ADAMTS2: variants seen among roughly 807,000 people sequenced by gnomAD.
ADAMTS2 encodes ADAM metallopeptidase with thrombospondin type 1 motif 2, also known as A disintegrin and metalloproteinase with thrombospondin motifs 2.
Under a neutral mutation model 123.0 loss-of-function variants are expected in ADAMTS2, and 50 were observed. The observed-to-expected ratio is 0.41, with a 90% CI of 0.32 to 0.51. The LOEUF (loss-of-function observed/expected upper bound fraction) is 0.51. Ranked by LOEUF, ADAMTS2 falls within the 20% of genes least tolerant of loss-of-function variation. ADAMTS2 has a pLI of 0.35. For missense variants in ADAMTS2, 1,494 were observed against 1,705.2 expected (o/e 0.88, Z 2.18); for synonymous variants, 678 against 695.4 (o/e 0.98, Z 0.39).
intron 2 of ADAMTS2, among the ~76,000 whole-genome samples, chr5:179,293,610 G>GTTTT (rs1387529851): frequency 1.6e-4 from 14 of 87,126 alleles, no homozygotes; most frequent in Non-Finnish European, 3.7e-4. Flanking sequence ...CCAGGGTAGG[G>GTTTT]TTTTGTTTGT....
chr5:179,339,904 T>C (rs1757720526), intron 2 of ADAMTS2, among the ~76,000 whole-genome samples: 1 of 152,104 alleles, frequency 6.6e-6, no homozygotes, highest in Middle Eastern at 3.2e-3. Flanking sequence ...AAAATGAAAC[T>C]CATCTCAATC....
chr5:179,215,375 G>A (rs1044854164), intron 3 of ADAMTS2, among the ~76,000 whole-genome samples: 1 of 152,174 alleles, frequency 6.6e-6, no homozygotes, highest in African/African-American at 2.4e-5. Context: ...TTGAACCGGG[G>A]AGGCGGAGGC....
At chr5:179,150,957 C>T (rs766011668) in intron 10 of ADAMTS2, 20 of 183,826 alleles carry the variant, frequency 1.1e-4, no homozygotes, top group Admixed American at 6.6e-4. Context: ...AGAGCAGCGA[C>T]GCGATCTTGG....
intron 2 of ADAMTS2, among the ~76,000 whole-genome samples, chr5:179,295,110 A>T (rs1756292742): frequency 6.6e-6 from 1 of 152,258 alleles, no homozygotes; most frequent in Non-Finnish European, 1.5e-5. Flanking sequence ...AGAGCCTGAG[A>T]GCATCTGGCA....
rs1764229653 is a variant in ADAMTS2, at chr5:179,188,721, C to G, written c.892-7566G>C. On this transcript the variant is annotated intron_variant, in intron 4 of 21. Transcript: ENST00000251582. The surrounding 1 kb of genome is among the most constrained non-coding windows in gnomAD (Gnocchi z 5.1). ...GGAACACTCTGCCCAAGGCCACCCC[C>G]TCACTCCTCAGGCGACGTCTCCTGT... Among the ~76,000 whole-genome samples the G allele has an allele frequency of 6.6e-6, 1 of 152,146 alleles. No homozygotes were observed. Among genetic ancestry groups the G allele is most frequent in the South Asian group, 2.1e-4 (1 of 4,822 alleles).
chr5:179,283,709 T>G (rs1221442176), intron 2 of ADAMTS2, among the ~76,000 whole-genome samples: 1 of 151,704 alleles, frequency 6.6e-6, no homozygotes, highest in East Asian at 1.9e-4. Flanking sequence ...CTGGCCAACA[T>G]GGTGAAACCC....
intron 2 of ADAMTS2, among the ~76,000 whole-genome samples, chr5:179,274,796 G>A (rs1479538724): frequency 6.6e-6 from 1 of 152,250 alleles, no homozygotes; most frequent in African/African-American, 2.4e-5. Context: ...GGGCCCTCGG[G>A]AAGCTGATGT....
intron 2 of ADAMTS2, among the ~76,000 whole-genome samples, chr5:179,287,036 T>G (rs1756040021): frequency 6.6e-6 from 1 of 152,118 alleles, no homozygotes. Flanking sequence ...ACAAAGGAAC[T>G]GGGGGATCTA....
Position 179,178,965 on chromosome 5 carries a change from T to A in ADAMTS2, c.975+2107A>T, listed in dbSNP as rs111641985. 9.2e-5 allele frequency among the ~76,000 whole-genome samples: 14 copies of A among 152,278 alleles called. 1 individual carries two copies. The highest frequency in any genetic ancestry group is 3.4e-4 in the African/African-American group (14 of 41,558). On this transcript the variant is annotated intron_variant, in intron 5 of 21. Transcript: ENST00000251582. ...ATAGTCTGTACTGCAGTCCTAATAT[T>A]CTCTTTCCTTGCTCTGTTACCCAGG...
At position 179,207,723 on chromosome 5, in the gene ADAMTS2, GAGA is replaced by G; in HGVS notation, c.689-11_689-9del. The G allele has an allele frequency of 6.2e-7, 1 of 1,609,300 alleles. No individual in the cohort carries two copies. Among genetic ancestry groups the G allele is most frequent in the Non-Finnish European group, 8.5e-7 (1 of 1,179,902 alleles). The stretch of plus-strand genomic sequence containing the variant: ...GGCTGTCCAGGGAGGCCCCTGCAAG[GAGA>G]GGACACCGTCTTCAGCGGCAGGGCA... On this transcript the variant is annotated splice_polypyrimidine_tract_variant and intron_variant, in intron 3 of 21. Coordinates refer to ENST00000251582, the MANE Select transcript of ADAMTS2 (RefSeq NM_014244.5).
intron 6 of ADAMTS2, among the ~76,000 whole-genome samples, chr5:179,156,915 GT>G (rs965471708): frequency 5.0e-5 from 7 of 140,880 alleles, no homozygotes; most frequent in Admixed American, 3.5e-4. Flanking sequence ...TTGTGTTTTG[GT>G]TTTTTTAAAA....
At chr5:179,161,983 TGTGA>T (rs891663898) in intron 5 of ADAMTS2, among the ~76,000 whole-genome samples, 26 of 152,228 alleles carry the variant, frequency 1.7e-4, no homozygotes, top group African/African-American at 6.0e-4. Flanking sequence ...CCTGCTGCAG[TGTGA>T]GTGTCTCCAT....
rs1766244792 is a variant in ADAMTS2 at position 179,262,142 on chromosome 5, T to C, written c.688+10769A>G. On this transcript the variant is annotated intron_variant, in intron 3 of 21. Coordinates refer to ENST00000251582, the MANE Select transcript of ADAMTS2 (RefSeq NM_014244.5). This position sits in a 1 kb window ranked among gnomAD's most constrained non-coding sequence, Gnocchi z 5.9. ...GCAGCTGTGGAGTCAGAGTGATGGG[T>C]GCCAATTCTGACTCCTGCACGTGGC... is the stretch of plus-strand genomic sequence containing the variant. Among the ~76,000 whole-genome samples, 1 of 151,812 alleles carries C rather than the reference T, an allele frequency of 6.6e-6. No homozygotes were observed. The highest frequency in any genetic ancestry group is 2.1e-4 in the South Asian group (1 of 4,798).
At chr5:179,328,257 T>C (rs558166623) in intron 2 of ADAMTS2, among the ~76,000 whole-genome samples, 169 of 152,294 alleles carry the variant, frequency 1.1e-3, no homozygotes, top group East Asian at 4.4e-3. Flanking sequence ...TGGTCTCGAT[T>C]TCCTGACCTC....
intron 4 of ADAMTS2, among the ~76,000 whole-genome samples, chr5:179,190,929 C>G (rs1418764429): frequency 1.3e-5 from 2 of 152,262 alleles, no homozygotes. Context: ...GCTGCTGTGC[C>G]CAGGCACGTC....
At chr5:179,299,306 G>A (rs28729102) in intron 2 of ADAMTS2, among the ~76,000 whole-genome samples, 49,707 of 67,282 alleles carry the variant, frequency 0.74, 19,136 homozygotes, top group Non-Finnish European at 0.81. Context: ...GAGGCGGGCG[G>A]ATCACGAGGT....
chr5:179,329,855 G>A (rs919548169), intron 2 of ADAMTS2, among the ~76,000 whole-genome samples: 2 of 152,156 alleles, frequency 1.3e-5, no homozygotes, highest in South Asian at 2.1e-4. Flanking sequence ...GGCCGGGCGT[G>A]GTGGCTCACG....
intron 10 of ADAMTS2, among the ~76,000 whole-genome samples, chr5:179,148,339 T>C (rs573181260): frequency 6.6e-6 from 1 of 152,178 alleles, no homozygotes; most frequent in South Asian, 2.1e-4. Context: ...GGGCTGCTCA[T>C]GGCTCACAGC....
rs1764161969 is a variant in ADAMTS2, at chr5:179,185,920, GAGA to G, written c.892-4768_892-4766del. ...CAAATGCTCCCAGCAGGTAGCCAGG[GAGA>G]AGGAGGCCAGGCCGCAGCCAAGGCC... On this transcript the variant is annotated intron_variant, in intron 4 of 21. Coordinates refer to ENST00000251582, the MANE Select transcript of ADAMTS2 (RefSeq NM_014244.5). This position sits in a 1 kb window ranked among gnomAD's most constrained non-coding sequence, Gnocchi z 5.9. Among the ~76,000 whole-genome samples the G allele has an allele frequency of 6.6e-6, 1 of 152,016 alleles. No individual in the cohort carries two copies. Among genetic ancestry groups the G allele is most frequent in the African/African-American group, 2.4e-5 (1 of 41,396 alleles).
Sources: gnomAD v4.1 joint callset for allele counts (sites outside exome capture counted in the v4.1 genomes callset) on GRCh38, gnomAD v4.1.1 for gene constraint, Gnocchi (gnomAD v3.1) non-coding constraint, MANE v1.5 for transcripts, NCBI Gene and HGNC (gene_info 2026-07-23, HGNC 2026-07-21) for gene names.